Variants in LHFPL4 observed in about 807,000 individuals in gnomAD.
LHFPL4 encodes LHFPL tetraspan subfamily member 4, also known as LHFPL tetraspan subfamily member 4 protein.
LHFPL4 carries 6 observed loss-of-function variants against 20.0 expected under a neutral mutation model. The observed-to-expected ratio is 0.30, with a 90% CI of 0.16 to 0.59. The LOEUF (loss-of-function observed/expected upper bound fraction) is 0.59, where lower values mean the gene tolerates loss of function less well. Ranked by LOEUF, LHFPL4 falls within the 20% of genes least tolerant of loss-of-function variation. The pLI, the probability that LHFPL4 is intolerant of heterozygous loss-of-function variation, is 0.88. For missense variants in LHFPL4, 215 were observed against 331.2 expected (o/e 0.65, Z 2.72); for synonymous variants, 129 against 143.8 (o/e 0.90, Z 0.74).
intron 2 of LHFPL4, among the ~76,000 whole-genome samples, chr3:9,523,963 C>T (rs1029085675): frequency 6.6e-6 from 1 of 150,826 alleles, no homozygotes; most frequent in African/African-American, 2.4e-5. Flanking sequence ...TCAGAGAGTA[C>T]ACAATTCTAG....
At chr3:9,510,959 T>A (rs968292475) in intron 2 of LHFPL4, among the ~76,000 whole-genome samples, 2 of 150,604 alleles carry the variant, frequency 1.3e-5, no homozygotes, top group East Asian at 2.0e-4. Context: ...AATAAATAAA[T>A]AAATAAATAA....
Position 9,528,390 on chromosome 3 carries a change from C to T in LHFPL4, c.407-22187G>A, listed in dbSNP as rs796172603. On this transcript the variant is annotated intron_variant, in intron 2 of 3. Coordinates refer to ENST00000287585, the MANE Select transcript of LHFPL4 (RefSeq NM_198560.3). ...TCTGCTCATCCATAAGAAGCAACTC[C>T]TCATCCATTCAAGTCTGATCATGAG... Among the ~76,000 whole-genome samples the T allele has an allele frequency of 2.0e-5, 3 of 152,168 alleles. No homozygotes were observed. The South Asian group carries it at 6.2e-4, about 32-fold the overall frequency.
chr3:9,514,804 T>C (rs2046287309), intron 2 of LHFPL4, among the ~76,000 whole-genome samples: 1 of 152,222 alleles, frequency 6.6e-6, no homozygotes. Flanking sequence ...GCATTTAAGG[T>C]TCCTCCATAT....
At position 9,517,836 on chromosome 3, in the gene LHFPL4, G is replaced by A. The variant is rs192654399; in HGVS notation, c.407-11633C>T. 2.5e-3 allele frequency among the ~76,000 whole-genome samples: 317 copies of A among 127,950 alleles called. 2 individuals are homozygous for A. The highest frequency in any genetic ancestry group is 0.013 in the Middle Eastern group (3 of 240). The allele number at this position is 127,950 out of a possible 152,430, so 83.9% of individuals were successfully genotyped here. ...TTTTTTTTTTTGCTTGATTCTCTGG[G>A]ATTTTCTACATAGATGATCATATCA... On this transcript the variant is annotated intron_variant, in intron 2 of 3. Transcript: ENST00000287585.
At chr3:9,547,026 T>C (rs951982668) in intron 2 of LHFPL4, among the ~76,000 whole-genome samples, 9 of 152,252 alleles carry the variant, frequency 5.9e-5, no homozygotes, top group Admixed American at 5.9e-4. Context: ...TCTGGCTCTG[T>C]TGCCCAGGCT....
chr3:9,533,607 C>T (rs1430596337), intron 2 of LHFPL4, among the ~76,000 whole-genome samples: 1 of 152,106 alleles, frequency 6.6e-6, no homozygotes, highest in Non-Finnish European at 1.5e-5. Flanking sequence ...ATGATGAAAC[C>T]CCGTCTCTAC....
intron 3 of LHFPL4, among the ~76,000 whole-genome samples, chr3:9,505,112 T>G (rs1183016002): frequency 6.6e-6 from 1 of 152,194 alleles, no homozygotes; most frequent in Non-Finnish European, 1.5e-5. Context: ...TTTGCTACAG[T>G]GAAGCTGCAG....
At chr3:9,508,216 C>T (rs2046232224) in intron 2 of LHFPL4, among the ~76,000 whole-genome samples, 1 of 152,168 alleles carries the variant, frequency 6.6e-6, no homozygotes, top group Non-Finnish European at 1.5e-5. Flanking sequence ...ACGGAGTGGG[C>T]CCTCCTTCTC....
chr3:9,541,839 C>T (rs761093951), intron 2 of LHFPL4, among the ~76,000 whole-genome samples: 3 of 152,054 alleles, frequency 2.0e-5, no homozygotes, highest in African/African-American at 4.8e-5. Context: ...TAGAGGAAAA[C>T]AGGGGTAAAT....
intron 2 of LHFPL4, among the ~76,000 whole-genome samples, chr3:9,510,841 G>A (rs1441189510): frequency 6.6e-6 from 1 of 151,866 alleles, no homozygotes; most frequent in Non-Finnish European, 1.5e-5. Context: ...AGGAGGCTGA[G>A]GCAGGAGAAT....
rs183844402 is a variant in LHFPL4, at chr3:9,522,613, C to T, written c.407-16410G>A. Among the ~76,000 whole-genome samples, 187 of 151,338 alleles carry T rather than the reference C, an allele frequency of 1.2e-3. 3 individuals are homozygous for T. The East Asian group carries it at 0.019, about 15-fold the overall frequency. ...AAAATTAGCCAGGCATGGTGGCGCG[C>T]GCCTGTAATCCCAGCTACTCGGGAG... On this transcript the variant is annotated intron_variant, in intron 2 of 3. Transcript: ENST00000287585.
At chr3:9,514,975 G>T (rs1444801708) in intron 2 of LHFPL4, among the ~76,000 whole-genome samples, 1 of 152,194 alleles carries the variant, frequency 6.6e-6, no homozygotes, top group Admixed American at 6.6e-5. Flanking sequence ...CTATGTGGAG[G>T]TTTTGGTGTA....
At chr3:9,520,195 A>G (rs972789486) in intron 2 of LHFPL4, among the ~76,000 whole-genome samples, 2 of 152,046 alleles carry the variant, frequency 1.3e-5, no homozygotes, top group Admixed American at 6.6e-5. Context: ...AGGGCTCACA[A>G]TTGTAACCCT....
intron 2 of LHFPL4, among the ~76,000 whole-genome samples, chr3:9,517,412 T>A (rs1028417275): frequency 6.6e-6 from 1 of 152,166 alleles, no homozygotes; most frequent in African/African-American, 2.4e-5. Flanking sequence ...TTTTTTCATA[T>A]AAATCTTGTA....
At chr3:9,507,077 C>T (rs771767372) in intron 2 of LHFPL4, among the ~76,000 whole-genome samples, 18 of 152,194 alleles carry the variant, frequency 1.2e-4, no homozygotes, top group Admixed American at 2.6e-4. Flanking sequence ...TGGCAGATGC[C>T]GCTGAACCTG....
intron 2 of LHFPL4, among the ~76,000 whole-genome samples, chr3:9,529,788 A>G (rs2046397899): frequency 5.3e-5 from 8 of 151,532 alleles, no homozygotes; most frequent in African/African-American, 1.9e-4. Flanking sequence ...GCCTGCCACC[A>G]CACCTGGCTA....
At chr3:9,540,608 C>T (rs1263532580) in intron 2 of LHFPL4, among the ~76,000 whole-genome samples, 1 of 152,078 alleles carries the variant, frequency 6.6e-6, no homozygotes, top group Non-Finnish European at 1.5e-5. Flanking sequence ...ATCAAGACAG[C>T]CTGGGTTGGT....
In LHFPL4 at chr3:9,507,745, A is replaced by G. The variant is rs535670466; in HGVS notation, c.407-1542T>C. Reference sequence around the variant, plus strand: ...CCTTGGCCAGCACTTAGCCTAGTGGATGAGACCCAAGCCTGAGCTGATCAG... The same window carrying G: ...CCTTGGCCAGCACTTAGCCTAGTGGGTGAGACCCAAGCCTGAGCTGATCAG... On this transcript the variant is annotated intron_variant, in intron 2 of 3. Transcript: ENST00000287585. 8.5e-5 allele frequency among the ~76,000 whole-genome samples: 13 copies of G among 152,108 alleles called. No individual in the cohort carries two copies. In the South Asian group the frequency reaches 2.3e-3, roughly 27 times the overall value.
chr3:9,509,246 CCT>C (rs1553646187), intron 2 of LHFPL4, among the ~76,000 whole-genome samples: 15 of 146,644 alleles, frequency 1.0e-4, no homozygotes, highest in Non-Finnish European at 1.8e-4. Context: ...TTCGCACCCC[CCT>C]CTCTCTCTCT....
Sources: allele counts gnomAD v4.1 joint callset (sites outside exome capture counted in the v4.1 genomes callset), GRCh38; gene constraint gnomAD v4.1.1; transcripts MANE v1.5; gene names NCBI Gene and HGNC (gene_info 2026-07-23, HGNC 2026-07-21).